CDKL5: variants seen among roughly 807,000 people sequenced by gnomAD.
CDKL5 encodes the protein cyclin dependent kinase like 5, also known as cyclin-dependent kinase-like 5.
CDKL5 carries 8 observed loss-of-function variants against 61.7 expected under a neutral mutation model. That is an observed-to-expected ratio of 0.13 (90% CI 0.08 to 0.23). The LOEUF (loss-of-function observed/expected upper bound fraction) is 0.23, where lower values mean the gene tolerates loss of function less well. Among genes scored for constraint, CDKL5 ranks in the 10% least tolerant of loss-of-function variants. The pLI, the probability that CDKL5 is intolerant of heterozygous loss-of-function variation, is 1.00. For missense variants in CDKL5, 440 were observed against 734.5 expected (o/e 0.60, Z 4.63); for synonymous variants, 275 against 272.3 (o/e 1.01, Z -0.10).
chrX:18,632,936 T>C lies in CDKL5; in HGVS notation c.*4179T>C. The C allele has an allele frequency of 1.3e-6, 1 of 753,447 alleles. No homozygotes were observed. Among genetic ancestry groups the C allele is most frequent in the Non-Finnish European group, 1.6e-6 (1 of 638,297 alleles). 62.1% of individuals were successfully genotyped at this position (753,447 alleles called of 1,213,427 possible). A position where few individuals can be genotyped will look rare whatever the true frequency, so the allele number is the denominator to read the frequency against. On this transcript the variant is annotated 3_prime_UTR_variant, in exon 18 of 18. Coordinates refer to ENST00000623535, the MANE Select transcript of CDKL5 (RefSeq NM_001323289.2). ...TATTGAGAATGACTCATAGTACAAC[T>C]TTTTTTCAAAGGCCAGAGGATTACT...
chrX:18,627,826 A>G (rs1430298648), intron 17 of CDKL5: 1 of 110,344 alleles, frequency 9.1e-6, no homozygotes, highest in African/African-American at 3.3e-5. Flanking sequence ...CAGCAAGGGA[A>G]CATTTGAATT....
chrX:18,439,045 G>GCCCCCCCCCCCCCCCCCCC (rs367844172), intron 1 of CDKL5, among the ~76,000 whole-genome samples: 1 of 37,487 alleles, frequency 2.7e-5, no homozygotes, highest in Admixed American at 4.2e-4. Context: ...GCCCCTTTTT[G>GCCCCCCCCCCCCCCCCCCC]CCCCCCCCCC....
chrX:18,597,591 A>ATTTTT (rs58993237), intron 10 of CDKL5, among the ~76,000 whole-genome samples: 25 of 72,813 alleles, frequency 3.4e-4, no homozygotes, highest in South Asian at 7.4e-4. Context: ...CTACAGAATG[A>ATTTTT]TTTTTTTTTT....
intron 2 of CDKL5, among the ~76,000 whole-genome samples, chrX:18,509,090 A>G (rs946335132): frequency 2.1e-5 from 2 of 94,157 alleles, no homozygotes; most frequent in Non-Finnish European, 4.3e-5. Flanking sequence ...GACTGTCTCA[A>G]AACACACACA....
At position 18,452,862 on chromosome X, in the gene CDKL5, G is replaced by A. The variant is rs769069197; in HGVS notation, c.-163+27167G>A. ...TTTTTTTTTTTTGAGACTGTGTCTC[G>A]CTCTGTCACCCAGGCTGGAGGGCAG... On this transcript the variant is annotated intron_variant, in intron 1 of 17. Coordinates refer to ENST00000623535, the MANE Select transcript of CDKL5 (RefSeq NM_001323289.2). 5.4e-3 allele frequency among the ~76,000 whole-genome samples: 324 copies of A among 60,182 alleles called. 2 individuals are homozygous for A. Among genetic ancestry groups the A allele is most frequent in the African/African-American group, 0.022 (314 of 14,050 alleles). 52.3% of individuals were successfully genotyped at this position (60,182 alleles called of 115,157 possible). A position where few individuals can be genotyped will look rare whatever the true frequency, so the allele number is the denominator to read the frequency against.
chrX:18,447,873 C>T (rs1313037864), intron 1 of CDKL5, among the ~76,000 whole-genome samples: 2 of 109,528 alleles, frequency 1.8e-5, no homozygotes, highest in Non-Finnish European at 3.8e-5. Flanking sequence ...GACAGGGTCT[C>T]ACTCTGTTTC....
intron 1 of CDKL5, among the ~76,000 whole-genome samples, chrX:18,451,844 T>G (rs1337490543): frequency 8.9e-6 from 1 of 112,194 alleles, no homozygotes; most frequent in African/African-American, 3.2e-5. Context: ...CCGGCCCCCT[T>G]TTATATTTTA....
intron 2 of CDKL5, among the ~76,000 whole-genome samples, chrX:18,509,320 C>G (rs922786518): frequency 9.2e-6 from 1 of 109,096 alleles, no homozygotes; most frequent in Non-Finnish European, 1.9e-5. Context: ...CTGGCATAGG[C>G]AGTTAGAATT....
At chrX:18,537,686 C>T (rs1190681364) in intron 3 of CDKL5, among the ~76,000 whole-genome samples, 1 of 112,017 alleles carries the variant, frequency 8.9e-6, no homozygotes, top group Non-Finnish European at 1.9e-5. Context: ...TAACCCCTGG[C>T]AACCACTAAT....
At chrX:18,494,401 C>T (rs1260904335) in intron 1 of CDKL5, among the ~76,000 whole-genome samples, 2 of 112,007 alleles carry the variant, frequency 1.8e-5, no homozygotes, top group Admixed American at 9.4e-5. Flanking sequence ...GCATGTGCCA[C>T]CATACCCCGT....
intron 1 of CDKL5, among the ~76,000 whole-genome samples, chrX:18,437,124 A>G (rs1280892580): frequency 9.0e-6 from 1 of 110,898 alleles, no homozygotes; most frequent in Non-Finnish European, 1.9e-5. Flanking sequence ...CAAGAATTTT[A>G]GTTCAATGGA....
At position 18,631,081 on chromosome X, in the gene CDKL5, C is replaced by G. The variant is rs1269055555; in HGVS notation, c.*2324C>G. 1 of 749,924 alleles carries G rather than the reference C, an allele frequency of 1.3e-6. No individual in the cohort carries two copies. Among genetic ancestry groups the G allele is most frequent in the African/African-American group, 2.4e-5 (1 of 42,358 alleles). The allele number at this position is 749,924 out of a possible 1,213,427, so 61.8% of individuals were successfully genotyped here. On this transcript the variant is annotated 3_prime_UTR_variant, in exon 18 of 18. Transcript: ENST00000623535. ...TGCTGTGGCATTCGAGGCTCGTCACCTAGGGGCTGGTTTCCCATGTTGTCA... is the reference window on the plus strand; with the variant it reads ...TGCTGTGGCATTCGAGGCTCGTCACGTAGGGGCTGGTTTCCCATGTTGTCA...
chrX:18,529,358 T>C (rs1238976563), intron 3 of CDKL5, among the ~76,000 whole-genome samples: 10 of 110,650 alleles, frequency 9.0e-5, no homozygotes, highest in Non-Finnish European at 1.5e-4. Flanking sequence ...ATATTGCTTA[T>C]CCATATGCTA....
rs104894928 is a variant in CDKL5, at chrX:18,647,303, C to T, written c.2797+1213C>T. ...TGGTCCGGTGTGACCTCCCCTGACTCGAAACCCAGAGGCTTGTGATATGGG... is the reference window on the plus strand; with the variant it reads ...TGGTCCGGTGTGACCTCCCCTGACTTGAAACCCAGAGGCTTGTGATATGGG... On this transcript the variant is annotated intron_variant, in intron 20 of 21. Transcript: ENST00000379989. 4.1e-6 allele frequency: 5 copies of T among 1,211,002 alleles called. No individual in the cohort carries two copies. Among genetic ancestry groups the T allele is most frequent in the South Asian group, 1.8e-5 (1 of 56,953 alleles).
At chrX:18,586,102 T>C (rs1925635677) in intron 8 of CDKL5, among the ~76,000 whole-genome samples, 1 of 111,837 alleles carries the variant, frequency 8.9e-6, no homozygotes, top group South Asian at 3.7e-4. Context: ...TTTTTTTAAA[T>C]CAAAAGCTTG....
At chrX:18,573,747 A>G in intron 4 of CDKL5, among the ~76,000 whole-genome samples, 1 of 112,329 alleles carries the variant, frequency 8.9e-6, no homozygotes, top group Non-Finnish European at 1.9e-5. Context: ...AGTGTTCTCC[A>G]ACAGCTTTCT....
At chrX:18,500,835 T>C (rs1236223892) in intron 1 of CDKL5, among the ~76,000 whole-genome samples, 1 of 111,095 alleles carries the variant, frequency 9.0e-6, no homozygotes, top group Non-Finnish European at 1.9e-5. Flanking sequence ...CTCACATCAT[T>C]ATTATTTTTT....
intron 1 of CDKL5, among the ~76,000 whole-genome samples, chrX:18,427,662 T>G (rs1308163678): frequency 9.0e-6 from 1 of 111,376 alleles, no homozygotes; most frequent in African/African-American, 3.3e-5. Flanking sequence ...GTATTCCAGT[T>G]TTGTTGTTTA....
rs1338405284 is a variant in CDKL5, at chrX:18,646,132, C to A, written c.2797+42C>A. 2.5e-6 allele frequency: 3 copies of A among 1,210,411 alleles called. No individual in the cohort carries two copies. In the East Asian group the frequency reaches 8.9e-5, roughly 36 times the overall value. On this transcript the variant is annotated intron_variant, in intron 20 of 21. Transcript: ENST00000379989. ...GCATGCCATCAAGCTGCCATAACGA[C>A]CCTAGACTACTGAATGAAACTTTTT...
Sources: allele counts gnomAD v4.1 joint callset (sites outside exome capture counted in the v4.1 genomes callset), GRCh38; gene constraint gnomAD v4.1.1; transcripts MANE v1.5; gene names NCBI Gene and HGNC (gene_info 2026-07-23, HGNC 2026-07-21).